GXYLT2: variants seen among roughly 807,000 people sequenced by gnomAD.
GXYLT2 encodes glucoside xylosyltransferase 2, also known as glycosyltransferase 8 domain containing 4.
GXYLT2 carries 53 observed loss-of-function variants against 45.8 expected under a neutral mutation model. The observed-to-expected ratio is 1.16, with a 90% CI of 0.93 to 1.46. GXYLT2 has a LOEUF of 1.46. GXYLT2 is among the 40% of genes most tolerant of loss of function. The pLI is 0.00. For synonymous variants in GXYLT2, 219 were observed against 214.2 expected (o/e 1.02, Z -0.19); for missense variants, 551 against 544.4 (o/e 1.01, Z -0.12).
At chr3:72,923,563 A>C (rs965336346) in intron 3 of GXYLT2, among the ~76,000 whole-genome samples, 1 of 152,218 alleles carries the variant, frequency 6.6e-6, no homozygotes, top group East Asian at 1.9e-4. Flanking sequence ...TGAGGGATTC[A>C]TGCCTTCAGT....
At chr3:72,938,578 AC>A (rs1468158642) in intron 3 of GXYLT2, among the ~76,000 whole-genome samples, 1 of 152,236 alleles carries the variant, frequency 6.6e-6, no homozygotes, top group Non-Finnish European at 1.5e-5. Flanking sequence ...GCCATGGCTA[AC>A]GGAATGTCTA....
rs144562241 is a variant in GXYLT2, at chr3:72,968,074, A to C, written c.1149+355A>C. Among the ~76,000 whole-genome samples the C allele has an allele frequency of 5.4e-3, 817 of 152,234 alleles. 7 individuals are homozygous for C. Among genetic ancestry groups the C allele is most frequent in the African/African-American group, 0.019 (773 of 41,554 alleles). On this transcript the variant is annotated intron_variant, in intron 6 of 6. Transcript: ENST00000389617. ...CTGCAACCTCCACCTCCTGGGTTCA[A>C]GTGATTTTCCTGCCTCAGCCTCCCA...
intron 3 of GXYLT2, among the ~76,000 whole-genome samples, chr3:72,940,087 G>A (rs966461355): frequency 6.6e-6 from 1 of 152,160 alleles, no homozygotes; most frequent in Non-Finnish European, 1.5e-5. Context: ...AAGCCCAGGA[G>A]GTGGAGGCTG....
chr3:72,955,346 C>G lies in GXYLT2; in HGVS notation c.849C>G (p.Phe283Leu), dbSNP rs757455652. 1.2e-6 allele frequency: 2 copies of G among 1,613,302 alleles called. No homozygotes were observed. The highest frequency in any genetic ancestry group is 3.3e-5 in the Admixed American group (2 of 59,996). ...MNLTRIRSTQ[F>L]KNSMIPTGLA... ...TAACTCGGATAAGAAGTACCCAGTT[C>G]AAGGTAAACGAGTGCTTTAAAATTC... The change falls in exon 4 of 7, where the codon TTC (phenylalanine) becomes TTG (leucine). Residue 283 changes from phenylalanine to leucine, a missense_variant. Phe to Leu is a conservative substitution (Grantham distance 22). Transcript: ENST00000389617.
At chr3:72,888,897 T>C (rs1313851976) in intron 1 of GXYLT2, among the ~76,000 whole-genome samples, 2 of 152,196 alleles carry the variant, frequency 1.3e-5, no homozygotes, top group African/African-American at 2.4e-5. Context: ...ACCTTAGATA[T>C]GGTTGAGTTG....
rs1427807735 is a variant in GXYLT2, at chr3:72,955,337, T to TACCC, written c.842_845dup (p.Gln282HisfsTer72). 5 of 1,613,878 alleles carry TACCC rather than the reference T, an allele frequency of 3.1e-6. No individual in the cohort carries two copies. ...TAATGAATTTAACTCGGATAAGAAG[T>TACCC]ACCCAGTTCAAGGTAAACGAGTGCT... On this transcript the variant is annotated frameshift_variant, in exon 4 of 7. Transcript: ENST00000389617. LOFTEE classifies it high-confidence loss of function.
intron 1 of GXYLT2, among the ~76,000 whole-genome samples, chr3:72,889,951 G>A (rs1342488699): frequency 6.8e-6 from 1 of 146,848 alleles, no homozygotes; most frequent in Non-Finnish European, 1.5e-5. Flanking sequence ...TGTCGCCCAG[G>A]CTGGAGTGCC....
chr3:72,894,525 G>A (rs1575772908), intron 1 of GXYLT2, among the ~76,000 whole-genome samples: 1 of 152,220 alleles, frequency 6.6e-6, no homozygotes, highest in East Asian at 1.9e-4. Flanking sequence ...GAGACTATAT[G>A]GTAAATGTAC....
At chr3:72,926,701 C>T (rs1280973325) in intron 3 of GXYLT2, among the ~76,000 whole-genome samples, 5 of 152,062 alleles carry the variant, frequency 3.3e-5, no homozygotes, top group Admixed American at 3.3e-4. Context: ...TTTCTCTCCT[C>T]AATAACTGTG....
In GXYLT2 at chr3:72,956,705, AG is replaced by A. The variant is rs1182234600; in HGVS notation, c.853-519del. Among the ~76,000 whole-genome samples the A allele has an allele frequency of 2.0e-5, 3 of 152,124 alleles. No individual in the cohort carries two copies. In the East Asian group the frequency reaches 5.8e-4, roughly 30 times the overall value. ...GGAGTTTGATATCAGCCTCGCCAAC[AG>A]GGGGAAACCCCATCTCTACTAAAAA... is the stretch of plus-strand genomic sequence containing the variant. On this transcript the variant is annotated intron_variant, in intron 4 of 6. Transcript: ENST00000389617.
chr3:72,950,402 A>T (rs1171482203), intron 3 of GXYLT2, among the ~76,000 whole-genome samples: 1 of 152,160 alleles, frequency 6.6e-6, no homozygotes, highest in Non-Finnish European at 1.5e-5. Flanking sequence ...CAGAGGTTGC[A>T]GTGAGCCGAG....
chr3:72,957,426 G>A (rs1710669862), intron 5 of GXYLT2, 74 bp downstream of exon 5: 11 of 1,446,290 alleles, frequency 7.6e-6, no homozygotes, highest in East Asian at 5.0e-5. Context: ...TTCCATGCCC[G>A]GGTTGCTATT....
At chr3:72,901,813 A>C (rs982312559) in intron 1 of GXYLT2, among the ~76,000 whole-genome samples, 3 of 151,844 alleles carry the variant, frequency 2.0e-5, no homozygotes, top group Non-Finnish European at 4.4e-5. Context: ...CGCCCGCCTC[A>C]GCCTCCCAAA....
Position 72,949,511 on chromosome 3 carries a change from T to C in GXYLT2, c.601-5587T>C, listed in dbSNP as rs1243720602. ...TTCTTTCTTTCTTTTTCTTTTTTTT[T>C]TTTTTTTTTTTTTTTTTTTGAGATG... On this transcript the variant is annotated intron_variant, in intron 3 of 6. Transcript: ENST00000389617. Among the ~76,000 whole-genome samples the C allele has an allele frequency of 1.5e-4, 17 of 115,786 alleles. No homozygotes were observed. In the South Asian group the frequency reaches 3.3e-3, roughly 22 times the overall value. 76.0% of individuals were successfully genotyped at this position (115,786 alleles called of 152,430 possible). A position where few individuals can be genotyped will look rare whatever the true frequency, so the allele number is the denominator to read the frequency against.
At chr3:72,969,971 C>T (rs959507825) in intron 6 of GXYLT2, among the ~76,000 whole-genome samples, 12 of 148,744 alleles carry the variant, frequency 8.1e-5, no homozygotes, top group Admixed American at 2.0e-4. Flanking sequence ...AATCCCAGCA[C>T]TTCAAGAGGC....
At chr3:72,922,121 A>G in intron 2 of GXYLT2, 83 bp from the exon 3 acceptor site, 1 of 1,290,934 alleles carries the variant, frequency 7.7e-7, no homozygotes, top group Non-Finnish European at 1.1e-6. Context: ...AATAATTTCC[A>G]TTTGACCATC....
chr3:72,915,993 G>A (rs776366777), intron 2 of GXYLT2, among the ~76,000 whole-genome samples: 1 of 152,020 alleles, frequency 6.6e-6, no homozygotes, highest in Non-Finnish European at 1.5e-5. Context: ...GTCATTATTA[G>A]ATGCATGGTC....
intron 1 of GXYLT2, among the ~76,000 whole-genome samples, chr3:72,889,541 G>C (rs889187680): frequency 1.3e-5 from 2 of 152,060 alleles, no homozygotes; most frequent in African/African-American, 4.8e-5. Context: ...ACAAGTTTTA[G>C]GGGGAAAAAA....
intron 5 of GXYLT2, among the ~76,000 whole-genome samples, chr3:72,965,967 T>A (rs13094041): frequency 6.6e-6 from 1 of 151,836 alleles, no homozygotes; most frequent in Non-Finnish European, 1.5e-5. Flanking sequence ...CTGTTGTAGG[T>A]GGGGTTTTTT....
Sources: allele counts gnomAD v4.1 joint callset (sites outside exome capture counted in the v4.1 genomes callset), GRCh38; gene constraint gnomAD v4.1.1; transcripts MANE v1.5; gene names NCBI Gene and HGNC (gene_info 2026-07-23, HGNC 2026-07-21).